The following KIRREL1 variants were observed in gnomAD, a reference collection of about 807,000 sequenced individuals.
The protein encoded by KIRREL1 is kirre like nephrin family adhesion molecule 1, also known as kin of IRRE-like protein 1.
A neutral mutation model predicts 83.3 loss-of-function variants in KIRREL1; 25 were observed. That is an observed-to-expected ratio of 0.30 (90% CI 0.22 to 0.42). KIRREL1 has a LOEUF of 0.42. KIRREL1 is among the 10% of genes least tolerant of loss of function. The pLI is 1.00. For synonymous variants in KIRREL1, 388 were observed against 410.4 expected (o/e 0.95, Z 0.66); for missense variants, 812 against 1,032.3 (o/e 0.79, Z 2.92).
chr1:158,009,985 C>A (rs1929845), intron 1 of KIRREL1, among the ~76,000 whole-genome samples: 14,082 of 152,148 alleles, frequency 0.093, 715 homozygotes, highest in African/African-American at 0.13. Context: ...GATTTTAGCC[C>A]CATTTGTGCC....
At position 158,096,657 on chromosome 1, in the gene KIRREL1, C is replaced by T. The variant is rs1029882780; in HGVS notation, c.*1537C>T. The T allele has an allele frequency of 1.8e-5, 8 of 456,636 alleles. No individual in the cohort carries two copies. Among genetic ancestry groups the T allele is most frequent in the African/African-American group, 4.0e-5 (2 of 50,054 alleles). The allele number at this position is 456,636 out of a possible 1,614,324, so 28.3% of individuals were successfully genotyped here. On this transcript the variant is annotated 3_prime_UTR_variant, in exon 15 of 15. Transcript: ENST00000359209. ...GGCCATTTCTCCTCCTCCATGTGCA[C>T]GCACATCCAACACACACCTTCCATG... is the stretch of plus-strand genomic sequence containing the variant.
At chr1:158,047,081 T>C (rs985502656) in intron 1 of KIRREL1, among the ~76,000 whole-genome samples, 1 of 152,164 alleles carries the variant, frequency 6.6e-6, no homozygotes, top group Non-Finnish European at 1.5e-5. Flanking sequence ...GAGTGTCATA[T>C]GGAAGAGAAT....
intron 3 of KIRREL1, among the ~76,000 whole-genome samples, chr1:158,081,788 G>C (rs779107728): frequency 2.6e-5 from 4 of 152,330 alleles, no homozygotes; most frequent in Admixed American, 6.5e-5. Flanking sequence ...GAGAAAGGTA[G>C]ACTGCTGGCA....
At chr1:158,092,666 A>G (rs904762616) in intron 11 of KIRREL1, among the ~76,000 whole-genome samples, 1 of 152,138 alleles carries the variant, frequency 6.6e-6, no homozygotes, top group Non-Finnish European at 1.5e-5. Context: ...AGTCTTAACT[A>G]AGGATGCCAG....
At position 158,094,464 on chromosome 1, in the gene KIRREL1, G is replaced by A. The variant is rs892281511; in HGVS notation, c.1797+74G>A. The A allele has an allele frequency of 3.4e-6, 5 of 1,466,058 alleles. No individual in the cohort carries two copies. The African/African-American group carries it at 4.2e-5, about 12-fold the overall frequency. The allele number at this position is 1,466,058 out of a possible 1,614,324, so 90.8% of individuals were successfully genotyped here. A position where few individuals can be genotyped will look rare whatever the true frequency, so the allele number is the denominator to read the frequency against. ...GTTTCTGAGGTCCTGTAGCGGGGAGGTGAGGTGAGGACAGACTTGGGGAGG... is the reference window on the plus strand; with the variant it reads ...GTTTCTGAGGTCCTGTAGCGGGGAGATGAGGTGAGGACAGACTTGGGGAGG... On this transcript the variant is annotated intron_variant, in intron 14 of 14. Coordinates refer to ENST00000359209, the MANE Select transcript of KIRREL1 (RefSeq NM_018240.7). This position sits in a 1 kb window ranked among gnomAD's most constrained non-coding sequence, Gnocchi z 4.6.
intron 4 of KIRREL1, among the ~76,000 whole-genome samples, chr1:158,084,944 T>C (rs577963254): frequency 6.6e-6 from 1 of 152,298 alleles, no homozygotes; most frequent in Admixed American, 6.5e-5. Flanking sequence ...AGGAGGAAAC[T>C]TGCGCTCAGA....
At position 158,082,266 on chromosome 1, in the gene KIRREL1, T is replaced by A. The variant is rs536770788; in HGVS notation, c.353-2156T>A. 2.0e-5 allele frequency among the ~76,000 whole-genome samples: 3 copies of A among 152,236 alleles called. No homozygotes were observed. In the East Asian group the frequency reaches 5.8e-4, roughly 29 times the overall value. On this transcript the variant is annotated intron_variant, in intron 3 of 14. Transcript: ENST00000359209. ...ATCATAGTCTATGTATAGTATCTCA[T>A]CTGACCTTCATGAGGCTCTAGTGAG... is the stretch of plus-strand genomic sequence containing the variant.
chr1:158,062,357 G>A (rs535836102), intron 1 of KIRREL1, among the ~76,000 whole-genome samples: 1 of 152,322 alleles, frequency 6.6e-6, no homozygotes, highest in Admixed American at 6.5e-5. Context: ...TAATTATGGA[G>A]CCTCCACTCC....
At chr1:158,016,303 C>A (rs1437235745) in intron 1 of KIRREL1, among the ~76,000 whole-genome samples, 3 of 145,056 alleles carry the variant, frequency 2.1e-5, no homozygotes, top group Non-Finnish European at 3.0e-5. Flanking sequence ...GACTCTGTCT[C>A]AAAAAAAAAA....
chr1:158,009,165 C>T (rs6668010), intron 1 of KIRREL1, among the ~76,000 whole-genome samples: 9,559 of 152,242 alleles, frequency 0.063, 639 homozygotes, highest in African/African-American at 0.17. Context: ...TGTTCCTCAG[C>T]AGTTCTTTGT....
chr1:157,995,637 T>C (rs748941929), intron 1 of KIRREL1, among the ~76,000 whole-genome samples: 24 of 152,120 alleles, frequency 1.6e-4, no homozygotes, highest in Admixed American at 8.5e-4. Flanking sequence ...AAGCAGCAGT[T>C]AGCAAACAGG....
At chr1:158,029,585 T>C (rs1281274594) in intron 1 of KIRREL1, among the ~76,000 whole-genome samples, 1 of 152,216 alleles carries the variant, frequency 6.6e-6, no homozygotes, top group African/African-American at 2.4e-5. Context: ...TCTCCTCCGA[T>C]GTACATCTAG....
chr1:158,030,057 G>A (rs1041423195), intron 1 of KIRREL1, among the ~76,000 whole-genome samples: 7 of 152,124 alleles, frequency 4.6e-5, no homozygotes, highest in Admixed American at 1.3e-4. Flanking sequence ...GGCAGGTCAG[G>A]GTTTTTGATT....
rs1022179664 is a variant in KIRREL1, at chr1:158,096,925, T to C, written c.*1805T>C. On this transcript the variant is annotated 3_prime_UTR_variant, in exon 15 of 15. Transcript: ENST00000359209. The stretch of plus-strand genomic sequence containing the variant: ...TGTTCGCTTTAATGAGTTACATGCT[T>C]ATCAGCCACAGGCCATTACCACCCT... 2.2e-6 allele frequency: 1 copy of C among 456,650 alleles called. No homozygotes were observed. Among genetic ancestry groups the C allele is most frequent in the Non-Finnish European group, 4.4e-6 (1 of 227,000 alleles). The allele number at this position is 456,650 out of a possible 1,614,324, so 28.3% of individuals were successfully genotyped here. A position where few individuals can be genotyped will look rare whatever the true frequency, so the allele number is the denominator to read the frequency against.
In KIRREL1 at chr1:158,094,796, C is replaced by T. The variant is rs1662308148; in HGVS notation, c.1950C>T (p.Leu650=). Residue 650 remains leucine (L), a synonymous_variant, in exon 15 of 15, where the codon CTC becomes CTT. Transcript: ENST00000359209. This position sits in a 1 kb window ranked among gnomAD's most constrained non-coding sequence, Gnocchi z 4.6. The stretch of plus-strand genomic sequence containing the variant: ...CCCACTCCAGCGGCTATGCCCAGCT[C>T]AACACCTATAGCCGGGGCCCTGCCT... The part of the protein sequence containing the change: ...RLSHSSGYAQ[L]NTYSRGPASD... 6.2e-7 allele frequency: 1 copy of T among 1,613,994 alleles called. No homozygotes were observed. The highest frequency in any genetic ancestry group is 1.3e-5 in the African/African-American group (1 of 74,916).
intron 10 of KIRREL1, 55 bp downstream of exon 10, chr1:158,089,873 C>T: frequency 6.8e-7 from 1 of 1,473,602 alleles, no homozygotes. Context: ...TTTGCCCAGG[C>T]CCAGCCTCCT....
chr1:158,020,219 T>C (rs1413376862), intron 1 of KIRREL1, among the ~76,000 whole-genome samples: 2 of 152,088 alleles, frequency 1.3e-5, no homozygotes, highest in African/African-American at 4.8e-5. Flanking sequence ...GGGAAGATGA[T>C]GTTCCCTGGA....
rs1050039797 is a variant in KIRREL1, at chr1:158,076,125, G to T, written c.65G>T (p.Arg22Leu). ...SDTFSQGTQT[R>L]FSQEPADQTV... ...TTTGGCTTTGCAGGGACCCAGACCCGCTTCAGCCAGGAGCCAGCTGACCAG... is the reference window on the plus strand; with the variant it reads ...TTTGGCTTTGCAGGGACCCAGACCCTCTTCAGCCAGGAGCCAGCTGACCAG... The change falls in exon 2 of 15, where the codon CGC (arginine) becomes CTC (leucine). Residue 22 changes from arginine to leucine, a missense_variant. Around this residue, in one of 3 missense-constraint regions of KIRREL1, gnomAD observed 472 missense variants for 626.8 expected, o/e 0.75. Coordinates refer to ENST00000359209, the MANE Select transcript of KIRREL1 (RefSeq NM_018240.7). 3.1e-6 allele frequency: 5 copies of T among 1,613,950 alleles called. No homozygotes were observed. Among genetic ancestry groups the T allele is most frequent in the Non-Finnish European group, 4.2e-6 (5 of 1,179,936 alleles).
chr1:158,032,806 TGTTGCCCA>T, intron 1 of KIRREL1, among the ~76,000 whole-genome samples: 1 of 152,242 alleles, frequency 6.6e-6, no homozygotes. Flanking sequence ...AGTCTTGTTC[TGTTGCCCA>T]GGATGGAGTG....
Sources: gnomAD v4.1 joint callset for allele counts (sites outside exome capture counted in the v4.1 genomes callset) on GRCh38, gnomAD v4.1.1 for gene constraint, gnomAD v4.1.1 regional missense constraint, Gnocchi (gnomAD v3.1) non-coding constraint, MANE v1.5 for transcripts, NCBI Gene and HGNC (gene_info 2026-07-23, HGNC 2026-07-21) for gene names.